The following COX15 variants were observed in gnomAD, a reference collection of about 807,000 sequenced individuals.
The protein encoded by COX15 is heme A synthase COX15.
A neutral mutation model predicts 51.9 loss-of-function variants in COX15; 51 were observed. That is an observed-to-expected ratio of 0.98 (90% CI 0.78 to 1.24). COX15 has a LOEUF of 1.24. Ranked by LOEUF, COX15 falls within the 50% of genes most tolerant of loss-of-function variation. The pLI is 0.00. For synonymous variants in COX15, 188 were observed against 190.5 expected (o/e 0.99, Z 0.11); for missense variants, 420 against 501.1 (o/e 0.84, Z 1.55).
chr10:99,729,348 T>G (rs892203809), intron 2 of COX15, among the ~76,000 whole-genome samples: 2 of 151,350 alleles, frequency 1.3e-5, no homozygotes, highest in East Asian at 3.9e-4. Context: ...TAGTCCCAGC[T>G]ACTTGGGAGG....
chr10:99,707,605 C>T (rs1362070820), downstream of COX15, among the ~76,000 whole-genome samples: 1 of 152,164 alleles, frequency 6.6e-6, no homozygotes, highest in Non-Finnish European at 1.5e-5. Flanking sequence ...ATCTTACCAA[C>T]CACTCTTGTT....
the COX15 span, chr10:99,700,959 T>C: frequency 6.2e-7 from 1 of 1,611,366 alleles, no homozygotes; most frequent in Non-Finnish European, 8.5e-7. Flanking sequence ...ACTATTTCTC[T>C]GTGGTTGATC....
the COX15 span, among the ~76,000 whole-genome samples, chr10:99,694,719 T>C: frequency 1.3e-5 from 2 of 152,064 alleles, no homozygotes; most frequent in East Asian, 3.9e-4. Flanking sequence ...GTATTTTTAG[T>C]AGAGACGGAG....
chr10:99,703,765 G>A, the COX15 span, among the ~76,000 whole-genome samples: 1 of 152,146 alleles, frequency 6.6e-6, no homozygotes, highest in African/African-American at 2.4e-5. Context: ...TGCCCAGGCT[G>A]AGTGTGGTGG....
chr10:99,700,032 T>G, the COX15 span, among the ~76,000 whole-genome samples: 1 of 152,184 alleles, frequency 6.6e-6, no homozygotes, highest in African/African-American at 2.4e-5. Flanking sequence ...TAAGAAATAC[T>G]GTGGGACACC....
At chr10:99,695,414 C>T in the COX15 span, among the ~76,000 whole-genome samples, 1 of 151,854 alleles carries the variant, frequency 6.6e-6, no homozygotes, top group Non-Finnish European at 1.5e-5. Flanking sequence ...CCCAACTACT[C>T]AGGAGGCTGA....
intron 4 of COX15, among the ~76,000 whole-genome samples, chr10:99,725,464 T>C (rs1021164638): frequency 6.6e-6 from 1 of 152,246 alleles, no homozygotes; most frequent in East Asian, 1.9e-4. Context: ...TTTCATTTTG[T>C]TCTACATGCC....
At chr10:99,723,932 C>T (rs2036858895) in intron 5 of COX15, 24 bp downstream of exon 5, 1 of 1,612,948 alleles carries the variant, frequency 6.2e-7, no homozygotes. Context: ...GTCTTGAACA[C>T]AGATATTTGC....
rs572176730 is a variant in COX15, at chr10:99,727,470, T to C, written c.366A>G (p.Gln122=). The C allele has an allele frequency of 1.2e-6, 2 of 1,613,912 alleles. No homozygotes were observed. The highest frequency in any genetic ancestry group is 4.5e-5 in the East Asian group (2 of 44,880). The change falls in exon 3 of 9, where the codon CAA becomes CAG. Residue 122 remains glutamine (Q), a synonymous_variant. Coordinates refer to ENST00000016171, the MANE Select transcript of COX15 (RefSeq NM_078470.6). ...TSQEEWEAEF[Q]RYQQFPEFKI... is the part of the protein sequence containing the mutation. ...TAAATTCTGGAAATTGCTGGTATCT[T>C]TGGAATTCTGCTTCCCATTCCTCTT...
the COX15 span, among the ~76,000 whole-genome samples, chr10:99,703,159 T>C: frequency 3.2e-3 from 492 of 152,320 alleles, 3 homozygotes; most frequent in African/African-American, 0.011. Context: ...GGACGTGAGA[T>C]GTTTTTAGTG....
At chr10:99,707,178 T>C (rs1435180966), downstream of COX15, among the ~76,000 whole-genome samples, 2 of 152,212 alleles carry the variant, frequency 1.3e-5, no homozygotes, top group Admixed American at 6.5e-5. Flanking sequence ...GAGTGTTTAA[T>C]GTGTTATTTC....
In COX15 at chr10:99,716,478, G is replaced by A; in HGVS notation, c.988-17C>T. ...AGTGATTCCCTGCAGGGAAGAAAGAGTCTATCACATTAGATAGAAGTGCCA... is the reference window on the plus strand; with the variant it reads ...AGTGATTCCCTGCAGGGAAGAAAGAATCTATCACATTAGATAGAAGTGCCA... On this transcript the variant is annotated splice_polypyrimidine_tract_variant and intron_variant, in intron 7 of 8. Transcript: ENST00000016171. 4 of 1,551,246 alleles carry A rather than the reference G, an allele frequency of 2.6e-6. No individual in the cohort carries two copies. The highest frequency in any genetic ancestry group is 2.2e-5 in the South Asian group (2 of 89,812).
chr10:99,697,608 T>C, the COX15 span: 1 of 154,980 alleles, frequency 6.5e-6, no homozygotes, highest in Non-Finnish European at 1.4e-5. Context: ...AAAATGATCA[T>C]TGTCTCTTCT....
rs35588478 is a variant in COX15 at position 99,729,459 on chromosome 10, C to CA, written c.272+93dup. ...TGGCCAACAGAGCAAGACTCTGTCT[C>CA]AAAAAAAAAAAAAAAAAAAATCCTT... is the stretch of plus-strand genomic sequence containing the variant. On this transcript the variant is annotated intron_variant, in intron 2 of 8. Coordinates refer to ENST00000016171, the MANE Select transcript of COX15 (RefSeq NM_078470.6). 0.011 allele frequency: 12,757 copies of CA among 1,210,032 alleles called. 22 individuals are homozygous for CA. The highest frequency in any genetic ancestry group is 0.024 in the South Asian group (1,897 of 79,636). The allele number at this position is 1,210,032 out of a possible 1,614,324, so 75.0% of individuals were successfully genotyped here. A position where few individuals can be genotyped will look rare whatever the true frequency, so the allele number is the denominator to read the frequency against.
chr10:99,726,957 A>G lies in COX15; in HGVS notation c.582+11T>C. 2 of 1,613,266 alleles carry G rather than the reference A, an allele frequency of 1.2e-6. No homozygotes were observed. The highest frequency in any genetic ancestry group is 8.5e-7 in the Non-Finnish European group (1 of 1,179,874). On this transcript the variant is annotated intron_variant, in intron 4 of 8. Transcript: ENST00000016171. ...AGCATTTCTGGTTTCTCAACCTTGA[A>G]TAAATCTTACCTGGAAGCAGACGAG...
chr10:99,705,840 C>T, the COX15 span: 1 of 152,220 alleles, frequency 6.6e-6, no homozygotes, highest in Admixed American at 6.5e-5. Context: ...AACAGCACTT[C>T]CATTAATGAA....
In COX15 at chr10:99,727,458, T is replaced by C. The variant is rs371186222; in HGVS notation, c.378A>G (p.Gln126=). 1.9e-6 allele frequency: 3 copies of C among 1,613,690 alleles called. No homozygotes were observed. Among genetic ancestry groups the C allele is most frequent in the African/African-American group, 2.7e-5 (2 of 74,930 alleles). ...EWEAEFQRYQ[Q]FPEFKILNHD... ...ATACTTACATTTTAAATTCTGGAAATTGCTGGTATCTTTGGAATTCTGCTT... is the reference window on the plus strand; with the variant it reads ...ATACTTACATTTTAAATTCTGGAAACTGCTGGTATCTTTGGAATTCTGCTT... The change falls in exon 3 of 9, where the codon CAA becomes CAG. Residue 126 remains glutamine (Q), a synonymous_variant. Transcript: ENST00000016171.
At chr10:99,710,361 G>GAAGTACAT, downstream of COX15, 1 of 985,360 alleles carries the variant, frequency 1.0e-6, no homozygotes, top group Non-Finnish European at 1.2e-6. Context: ...TTGAAGTCCT[G>GAAGTACAT]AAGTACATGC....
chr10:99,727,834 C>T (rs770273187), intron 2 of COX15, among the ~76,000 whole-genome samples: 71 of 152,152 alleles, frequency 4.7e-4, no homozygotes, highest in African/African-American at 1.5e-3. Context: ...CTTTCACTAG[C>T]ATTCCTCAAC....
Sources: gnomAD v4.1 joint callset for allele counts (sites outside exome capture counted in the v4.1 genomes callset) on GRCh38, gnomAD v4.1.1 for gene constraint, MANE v1.5 for transcripts, NCBI Gene and HGNC (gene_info 2026-07-23, HGNC 2026-07-21) for gene names.